PREX1: variants seen among roughly 807,000 people sequenced by gnomAD.
The protein encoded by PREX1 is phosphatidylinositol-3,4,5-trisphosphate dependent Rac exchange factor 1, also known as phosphatidylinositol 3,4,5-trisphosphate-dependent Rac exchanger 1 protein.
PREX1 carries 41 observed loss-of-function variants against 198.3 expected under a neutral mutation model. The ratio of observed to expected loss-of-function variants is 0.21; its 90% CI spans 0.16 to 0.27. The LOEUF is 0.27. PREX1 is among the 10% of genes least tolerant of loss of function. The pLI is 1.00. For synonymous variants in PREX1, 843 were observed against 887.2 expected, an observed-to-expected ratio of 0.95 and a Z score of 0.89; for missense variants, 1,620 against 2,200.7, an observed-to-expected ratio of 0.74 and a Z score of 5.28.
chr20:48,878,785 C>T, the PREX1 span, among the ~76,000 whole-genome samples: 1 of 152,190 alleles, frequency 6.6e-6, no homozygotes, highest in East Asian at 1.9e-4. Context: ...CATTCCAGAA[C>T]CACTCATAGC....
chr20:48,800,728 G>T (rs2123008109), intron 1 of PREX1, among the ~76,000 whole-genome samples: 1 of 152,250 alleles, frequency 6.6e-6, no homozygotes, highest in South Asian at 2.1e-4. Context: ...AAGGCCCCAA[G>T]CACCATGGTA....
Position 48,781,547 on chromosome 20 carries a change from CAAG to C in PREX1, c.220-33670_220-33668del, listed in dbSNP as rs1210342006. Among the ~76,000 whole-genome samples, 12 of 152,188 alleles carry C rather than the reference CAAG, an allele frequency of 7.9e-5. 1 individual carries two copies. Among genetic ancestry groups the C allele is most frequent in the African/African-American group, 2.2e-4 (9 of 41,452 alleles). ...CCCCACTCCTCCCCAAAAGAAGACC[CAAG>C]AAGAACTCTGAACTTGGTGCAGAGA... On this transcript the variant is annotated intron_variant, in intron 1 of 39. Coordinates refer to ENST00000371941, the MANE Select transcript of PREX1 (RefSeq NM_020820.4).
chr20:48,691,666 T>C lies in PREX1; in HGVS notation c.1037-570A>G, dbSNP rs762607007. On this transcript the variant is annotated intron_variant, in intron 8 of 39. Transcript: ENST00000371941. This position sits in a 1 kb window ranked among gnomAD's most constrained non-coding sequence, Gnocchi z 5.0. ...TGGACAAGCTCAAAAGCACACATAC[T>C]AGGAGATGCTCACATGAGCCATCAG... 2.6e-5 allele frequency among the ~76,000 whole-genome samples: 4 copies of C among 152,070 alleles called. No homozygotes were observed. Among genetic ancestry groups the C allele is most frequent in the Non-Finnish European group, 5.9e-5 (4 of 68,014 alleles).
At chr20:48,695,104 A>G (rs938338052) in intron 7 of PREX1, among the ~76,000 whole-genome samples, 1 of 152,230 alleles carries the variant, frequency 6.6e-6, no homozygotes, top group Admixed American at 6.5e-5. Flanking sequence ...TTGCAAGTGA[A>G]CACACCTGTA....
chr20:48,724,303 C>T (rs1306876406), intron 5 of PREX1, among the ~76,000 whole-genome samples: 5 of 152,240 alleles, frequency 3.3e-5, no homozygotes, highest in African/African-American at 1.2e-4. Context: ...AATCACAGTG[C>T]CTACCTTGCT....
Position 48,655,200 on chromosome 20 carries a change from C to G in PREX1, c.2209+90G>C, listed in dbSNP as rs935817812. 2.8e-5 allele frequency: 35 copies of G among 1,262,882 alleles called. 1 individual carries two copies. The South Asian group carries it at 5.0e-4, about 18-fold the overall frequency. 78.2% of individuals were successfully genotyped at this position (1,262,882 alleles called of 1,614,324 possible). ...CTGATGGTACATTGTCTGGCAGAAGCCTAGAGTTCAGAAGGCTCTGAACTC... is the reference window on the plus strand; with the variant it reads ...CTGATGGTACATTGTCTGGCAGAAGGCTAGAGTTCAGAAGGCTCTGAACTC... On this transcript the variant is annotated intron_variant, in intron 19 of 39. Transcript: ENST00000371941.
intron 14 of PREX1, among the ~76,000 whole-genome samples, chr20:48,668,750 C>T (rs374376036): frequency 2.6e-5 from 4 of 152,298 alleles, no homozygotes; most frequent in East Asian, 1.9e-4. Flanking sequence ...GGAGGGCCTG[C>T]GGGTTGGGAA....
intron 1 of PREX1, among the ~76,000 whole-genome samples, chr20:48,748,163 C>A (rs2090118000): frequency 6.6e-6 from 1 of 152,214 alleles, no homozygotes; most frequent in Non-Finnish European, 1.5e-5. Context: ...AAGCCCCTGC[C>A]TTCGAGGAAC....
chr20:48,829,037 TATAACGGGA>T (rs2090527536), upstream of PREX1, among the ~76,000 whole-genome samples: 2 of 152,168 alleles, frequency 1.3e-5, no homozygotes, highest in Non-Finnish European at 1.5e-5. Flanking sequence ...TTTTCATCAG[TATAACGGGA>T]ACGATCATGG....
Position 48,662,044 on chromosome 20 carries a change from G to A in PREX1, c.1739-1983C>T, listed in dbSNP as rs1044175609. Among the ~76,000 whole-genome samples the A allele has an allele frequency of 2.0e-5, 3 of 152,320 alleles. No homozygotes were observed. In the East Asian group the frequency reaches 5.8e-4, roughly 29 times the overall value. On this transcript the variant is annotated intron_variant, in intron 15 of 39. Transcript: ENST00000371941. ...GACAGAGGCTTTTTCTGGATGTGGT[G>A]ACTCAGTGGAAAGCAGCCGGGGGCA... is the stretch of plus-strand genomic sequence containing the variant.
intron 7 of PREX1, among the ~76,000 whole-genome samples, chr20:48,693,283 C>T (rs937131687): frequency 1.3e-5 from 2 of 152,198 alleles, no homozygotes; most frequent in Admixed American, 1.3e-4. Flanking sequence ...TTCACCCACT[C>T]CTATAGTCTA....
intron 7 of PREX1, among the ~76,000 whole-genome samples, chr20:48,699,551 A>G: frequency 6.6e-6 from 1 of 151,984 alleles, no homozygotes; most frequent in Non-Finnish European, 1.5e-5. Flanking sequence ...TCACCCATCC[A>G]TTCACTCAGT....
chr20:48,768,274 T>C (rs1817853011), intron 1 of PREX1, among the ~76,000 whole-genome samples: 1 of 152,174 alleles, frequency 6.6e-6, no homozygotes, highest in South Asian at 2.1e-4. Flanking sequence ...AAATTACCAA[T>C]GTCCATCAAC....
intron 15 of PREX1, among the ~76,000 whole-genome samples, chr20:48,661,444 A>AAAAAATATATATATATATAT (rs1555832820): frequency 4.0e-5 from 2 of 49,596 alleles, no homozygotes; most frequent in Non-Finnish European, 3.1e-5. Flanking sequence ...AAAAAAAAAA[A>AAAAAATATATATATATATAT]ATATATATAT....
intron 29 of PREX1, among the ~76,000 whole-genome samples, chr20:48,640,589 G>C (rs1042902391): frequency 1.3e-5 from 2 of 152,106 alleles, no homozygotes; most frequent in African/African-American, 4.8e-5. Flanking sequence ...ACCCTCTCTT[G>C]GTGGCAACTG....
intron 14 of PREX1, among the ~76,000 whole-genome samples, chr20:48,673,250 A>T (rs1008093545): frequency 1.3e-5 from 2 of 152,242 alleles, no homozygotes; most frequent in Admixed American, 1.3e-4. Context: ...TTCCCCATAC[A>T]TTCTTGCCCA....
chr20:48,656,963 T>C, intron 18 of PREX1, 77 bp downstream of exon 18: 1 of 1,498,274 alleles, frequency 6.7e-7, no homozygotes, highest in Non-Finnish European at 8.9e-7. Context: ...ACCAGGACAG[T>C]TCATGCCACC....
rs756480417 is a variant in PREX1 at position 48,642,134 on chromosome 20, G to A, written c.3775+34C>T. On this transcript the variant is annotated intron_variant, in intron 29 of 39. Transcript: ENST00000371941. ...GCCCTGTCTAACACCCTTCCCCATC[G>A]CAGGCTGTCACCTTGGACTGGCTAT... The A allele has an allele frequency of 1.5e-5, 24 of 1,599,958 alleles. No individual in the cohort carries two copies. The Middle Eastern group carries it at 9.9e-4, about 66-fold the overall frequency.
intron 10 of PREX1, among the ~76,000 whole-genome samples, chr20:48,681,709 CGGAT>C (rs2089752742): frequency 1.1e-5 from 1 of 93,650 alleles, no homozygotes; most frequent in Non-Finnish European, 2.1e-5. Context: ...GATGGACGGA[CGGAT>C]GGATGTCCGG....
Sources: gnomAD v4.1 joint callset for allele counts (sites outside exome capture counted in the v4.1 genomes callset) on GRCh38, gnomAD v4.1.1 for gene constraint, Gnocchi (gnomAD v3.1) non-coding constraint, MANE v1.5 for transcripts, NCBI Gene and HGNC (gene_info 2026-07-23, HGNC 2026-07-21) for gene names.